Variants in NSMCE2 observed in about 807,000 individuals in gnomAD.
The protein encoded by NSMCE2 is NSE2 SUMO ligase component of SMC5/6 complex.
Under a neutral mutation model 23.8 loss-of-function variants are expected in NSMCE2, and 24 were observed. The observed-to-expected ratio is 1.01, with a 90% CI of 0.73 to 1.42. The LOEUF (loss-of-function observed/expected upper bound fraction) is 1.42, where lower values mean the gene tolerates loss of function less well. NSMCE2 is among the 40% of genes most tolerant of loss of function. NSMCE2 has a pLI of 0.00. For missense variants in NSMCE2, 284 were observed against 296.5 expected (o/e 0.96, Z 0.31); for synonymous variants, 92 against 94.1 (o/e 0.98, Z 0.13).
chr8:125,221,829 G>A (rs1824872436), intron 5 of NSMCE2, among the ~76,000 whole-genome samples: 1 of 152,130 alleles, frequency 6.6e-6, no homozygotes, highest in Non-Finnish European at 1.5e-5. Context: ...TCCACATGTG[G>A]CAATGTGTCA....
At chr8:125,198,190 G>A (rs962345121) in intron 5 of NSMCE2, among the ~76,000 whole-genome samples, 4 of 152,016 alleles carry the variant, frequency 2.6e-5, no homozygotes, top group African/African-American at 9.7e-5. Context: ...TCTTTCTCTT[G>A]CCTGATTGCC....
chr8:125,096,492 T>C (rs572084957), intron 1 of NSMCE2, among the ~76,000 whole-genome samples: 43 of 152,220 alleles, frequency 2.8e-4, no homozygotes, highest in Non-Finnish European at 5.6e-4. Flanking sequence ...ATACTTGCCT[T>C]GATTGCCATG....
intron 5 of NSMCE2, among the ~76,000 whole-genome samples, chr8:125,336,063 G>A (rs1324880435): frequency 6.6e-6 from 1 of 152,138 alleles, no homozygotes; most frequent in East Asian, 1.9e-4. Flanking sequence ...AGGGAGAAGA[G>A]TAGGGAAAGT....
At chr8:125,305,378 C>T (rs922447012) in intron 5 of NSMCE2, among the ~76,000 whole-genome samples, 1 of 152,178 alleles carries the variant, frequency 6.6e-6, no homozygotes, top group Non-Finnish European at 1.5e-5. Context: ...ATTTGTATGA[C>T]ACCAAAGCCT....
intron 3 of NSMCE2, among the ~76,000 whole-genome samples, chr8:125,137,173 G>A (rs1417528045): frequency 2.0e-5 from 3 of 151,980 alleles, no homozygotes; most frequent in South Asian, 2.1e-4. Context: ...TTTTGTGATC[G>A]TGACACTTCT....
At chr8:125,245,262 G>A (rs898831230) in intron 5 of NSMCE2, among the ~76,000 whole-genome samples, 3 of 151,998 alleles carry the variant, frequency 2.0e-5, no homozygotes, top group African/African-American at 4.8e-5. Flanking sequence ...CAGCCTGGGC[G>A]ACAGAGTGAG....
At chr8:125,172,689 G>A (rs1822279114) in intron 4 of NSMCE2, among the ~76,000 whole-genome samples, 1 of 152,184 alleles carries the variant, frequency 6.6e-6, no homozygotes, top group South Asian at 2.1e-4. Context: ...AAGAGAAGGG[G>A]AAATTGGTTA....
chr8:125,321,201 A>G (rs1248157058), intron 5 of NSMCE2, among the ~76,000 whole-genome samples: 2 of 152,246 alleles, frequency 1.3e-5, no homozygotes, highest in Non-Finnish European at 2.9e-5. Flanking sequence ...ACCTGGATCT[A>G]CACAAAGAAC....
chr8:125,177,670 C>G (rs1822564328), intron 4 of NSMCE2, among the ~76,000 whole-genome samples: 1 of 152,176 alleles, frequency 6.6e-6, no homozygotes, highest in East Asian at 1.9e-4. Flanking sequence ...ATAATTAAAT[C>G]CAGTGGATTT....
intron 4 of NSMCE2, among the ~76,000 whole-genome samples, chr8:125,167,670 G>T (rs1416413239): frequency 1.3e-5 from 2 of 151,636 alleles, no homozygotes; most frequent in Non-Finnish European, 2.9e-5. Flanking sequence ...AAGGCAAAGA[G>T]GCTATGGAAG....
chr8:125,142,263 T>C (rs981423628), intron 3 of NSMCE2, among the ~76,000 whole-genome samples: 1 of 152,190 alleles, frequency 6.6e-6, no homozygotes, highest in African/African-American at 2.4e-5. Flanking sequence ...GTTACTGTTA[T>C]TGTACCCATT....
chr8:125,244,611 A>G (rs1825887339), intron 5 of NSMCE2, among the ~76,000 whole-genome samples: 1 of 152,246 alleles, frequency 6.6e-6, no homozygotes. Context: ...TTGAAAACAC[A>G]TACCAGACAA....
At chr8:125,156,981 T>C (rs1042700550) in intron 4 of NSMCE2, among the ~76,000 whole-genome samples, 1 of 152,154 alleles carries the variant, frequency 6.6e-6, no homozygotes, top group African/African-American at 2.4e-5. Flanking sequence ...GGGAAGAATT[T>C]CTCCCTTAGA....
chr8:125,095,071 G>A (rs150249235), intron 1 of NSMCE2, among the ~76,000 whole-genome samples: 7 of 152,062 alleles, frequency 4.6e-5, no homozygotes, highest in African/African-American at 1.4e-4. Flanking sequence ...GGCTGGTCTC[G>A]AACTCCTGGG....
chr8:125,108,131 C>T (rs1016129674), intron 3 of NSMCE2, among the ~76,000 whole-genome samples: 30 of 152,174 alleles, frequency 2.0e-4, no homozygotes, highest in African/African-American at 5.3e-4. Flanking sequence ...TTTTGACCCA[C>T]GGACCCCCTG....
At chr8:125,121,310 T>A (rs555536713) in intron 3 of NSMCE2, among the ~76,000 whole-genome samples, 2 of 152,350 alleles carry the variant, frequency 1.3e-5, no homozygotes, top group South Asian at 4.1e-4. Flanking sequence ...TTGCGCTTCC[T>A]CTTCTTTTGG....
rs192571584 is a variant in NSMCE2 at position 125,198,362 on chromosome 8, A to G, written c.418+16106A>G. Reference sequence around the variant, plus strand: ...CTCTTATTATTTTGAGATATGTTGCATCGATACCTAGTTTATTGAGAGTTT... The same window carrying G: ...CTCTTATTATTTTGAGATATGTTGCGTCGATACCTAGTTTATTGAGAGTTT... On this transcript the variant is annotated intron_variant, in intron 5 of 7. Coordinates refer to ENST00000287437, the MANE Select transcript of NSMCE2 (RefSeq NM_173685.4). 1.5e-4 allele frequency among the ~76,000 whole-genome samples: 23 copies of G among 152,306 alleles called. 1 individual carries two copies. Among genetic ancestry groups the G allele is most frequent in the Admixed American group, 1.3e-3 (20 of 15,294 alleles).
chr8:125,199,834 G>A (rs1823788550), intron 5 of NSMCE2, among the ~76,000 whole-genome samples: 1 of 152,042 alleles, frequency 6.6e-6, no homozygotes, highest in Admixed American at 6.5e-5. Flanking sequence ...GATCTCTAAG[G>A]ACTTGCTTTA....
chr8:125,131,004 T>C (rs1379618231), intron 3 of NSMCE2, among the ~76,000 whole-genome samples: 1 of 152,218 alleles, frequency 6.6e-6, no homozygotes, highest in Non-Finnish European at 1.5e-5. Flanking sequence ...TTTAGTGTTA[T>C]GGTTTTCAGT....
Sources: allele counts gnomAD v4.1 joint callset (sites outside exome capture counted in the v4.1 genomes callset), GRCh38; gene constraint gnomAD v4.1.1; transcripts MANE v1.5; gene names NCBI Gene and HGNC (gene_info 2026-07-23, HGNC 2026-07-21).